Variants in FLT3 observed in about 807,000 individuals in gnomAD.
The protein encoded by FLT3 is fms related receptor tyrosine kinase 3, also known as receptor-type tyrosine-protein kinase FLT3.
In FLT3, 46 loss-of-function variants were observed where a neutral mutation model predicts 126.6. The observed-to-expected ratio is 0.36, with a 90% CI of 0.29 to 0.46. FLT3 has a LOEUF of 0.46. FLT3 is among the 20% of genes least tolerant of loss of function. The pLI is 1.00. For missense variants in FLT3, 1,069 were observed against 1,190.3 expected (o/e 0.90, Z 1.50); for synonymous variants, 404 against 434.4 (o/e 0.93, Z 0.87).
At chr13:28,095,382 TCTCCTGCCTCAGC>T (rs761503273) in intron 1 of FLT3, among the ~76,000 whole-genome samples, 80 of 152,194 alleles carry the variant, frequency 5.3e-4, no homozygotes, top group Non-Finnish European at 1.1e-3. Context: ...TTCAAGTGAT[TCTCCTGCCTCAGC>T]CTCCTGAGTA....
rs1299427050 is a variant in FLT3, at chr13:28,003,286, A to G, written c.*766T>C. The G allele has an allele frequency of 1.3e-5, 3 of 232,814 alleles. No individual in the cohort carries two copies. Among genetic ancestry groups the G allele is most frequent in the Non-Finnish European group, 2.5e-5 (3 of 117,896 alleles). The allele number at this position is 232,814 out of a possible 1,614,324, so 14.4% of individuals were successfully genotyped here. A position where few individuals can be genotyped will look rare whatever the true frequency, so the allele number is the denominator to read the frequency against. On this transcript the variant is annotated 3_prime_UTR_variant, in exon 24 of 24. Transcript: ENST00000241453. ...AAATGAAGGGGACTGTGGGGACAAGAGTAACTTTATTGAAAATACTAATCC... is the reference window on the plus strand; with the variant it reads ...AAATGAAGGGGACTGTGGGGACAAGGGTAACTTTATTGAAAATACTAATCC...
chr13:28,039,794 C>G (rs1700077696), intron 9 of FLT3, among the ~76,000 whole-genome samples: 1 of 152,154 alleles, frequency 6.6e-6, no homozygotes, highest in Admixed American at 6.5e-5. Context: ...GTGATCCTCT[C>G]TCCTTGGCCT....
In FLT3 at chr13:28,003,376, C is replaced by T. The variant is rs1048967868; in HGVS notation, c.*676G>A. ...GCCAAAGTGTCTAGGTGATGTATTACTCTTTATGGTAGAACACCTATTCAT... is the reference window on the plus strand; with the variant it reads ...GCCAAAGTGTCTAGGTGATGTATTATTCTTTATGGTAGAACACCTATTCAT... On this transcript the variant is annotated 3_prime_UTR_variant, in exon 24 of 24. Transcript: ENST00000241453. 1.5e-4 allele frequency: 34 copies of T among 233,248 alleles called. No homozygotes were observed. Among genetic ancestry groups the T allele is most frequent in the African/African-American group, 7.1e-4 (32 of 45,336 alleles). The allele number at this position is 233,248 out of a possible 1,614,324, so 14.4% of individuals were successfully genotyped here.
intron 1 of FLT3, among the ~76,000 whole-genome samples, chr13:28,088,775 G>A (rs980730011): frequency 2.7e-5 from 4 of 149,580 alleles, no homozygotes; most frequent in East Asian, 2.0e-4. Flanking sequence ...TCGTAGAGAC[G>A]GGGTTTCACT....
chr13:28,076,101 A>C (rs1877908747), intron 1 of FLT3, among the ~76,000 whole-genome samples: 1 of 152,118 alleles, frequency 6.6e-6, no homozygotes, highest in African/African-American at 2.4e-5. Flanking sequence ...ATGGCCCTTC[A>C]TAGCAATTTT....
chr13:28,024,775 G>A (rs1872663299), intron 18 of FLT3, 86 bp downstream of exon 18: 1 of 956,890 alleles, frequency 1.0e-6, no homozygotes, highest in Admixed American at 2.3e-5. Flanking sequence ...ATGCTTTTGT[G>A]TTTACACACT....
intron 20 of FLT3, among the ~76,000 whole-genome samples, chr13:28,016,861 G>C (rs1053716329): frequency 4.6e-5 from 7 of 152,274 alleles, no homozygotes; most frequent in African/African-American, 1.2e-4. Flanking sequence ...ATGATTATTT[G>C]TTTCTAGTGG....
intron 1 of FLT3, among the ~76,000 whole-genome samples, chr13:28,081,002 C>A (rs545823263): frequency 1.0e-3 from 152 of 152,276 alleles, no homozygotes; most frequent in African/African-American, 3.5e-3. Context: ...GTTTGTCTAT[C>A]TGGATGCCAA....
chr13:28,019,124 G>A (rs1262265982), intron 19 of FLT3, among the ~76,000 whole-genome samples: 1 of 151,970 alleles, frequency 6.6e-6, no homozygotes, highest in Non-Finnish European at 1.5e-5. Context: ...CGCGCCACCA[G>A]GCCCAGCTAA....
At chr13:28,072,164 TATA>T (rs1291469419) in intron 1 of FLT3, among the ~76,000 whole-genome samples, 2 of 150,598 alleles carry the variant, frequency 1.3e-5, no homozygotes, top group African/African-American at 4.9e-5. Context: ...TGTATTTATA[TATA>T]ATGTGTGTAT....
chr13:28,037,075 A>C (rs1873900674), intron 10 of FLT3, 110 bp downstream of exon 10: 3 of 655,626 alleles, frequency 4.6e-6, no homozygotes, highest in Non-Finnish European at 8.0e-6. Context: ...GCGTACAAAA[A>C]CAGTTTTGTA....
At chr13:28,075,738 G>T (rs1183164651) in intron 1 of FLT3, among the ~76,000 whole-genome samples, 1 of 70,194 alleles carries the variant, frequency 1.4e-5, no homozygotes, top group East Asian at 2.1e-3. Flanking sequence ...AAAAAAAAAT[G>T]GATGCATCAC....
Position 28,028,293 on chromosome 13 carries a change from CA to C in FLT3, c.1943-6del. ...TTTCAGAGCTGTCTGCTTTTTCTGT[CA>C]AAGAAAGGAGCATTAAAAATGTAAA... On this transcript the variant is annotated splice_region_variant and splice_polypyrimidine_tract_variant and intron_variant, in intron 15 of 23. Transcript: ENST00000241453. 6.9e-7 allele frequency: 1 copy of C among 1,448,042 alleles called. No homozygotes were observed. 89.7% of individuals were successfully genotyped at this position (1,448,042 alleles called of 1,614,324 possible).
chr13:28,095,816 C>A lies in FLT3; in HGVS notation c.43+4652G>T, dbSNP rs1879415279. 2.0e-5 allele frequency among the ~76,000 whole-genome samples: 3 copies of A among 152,200 alleles called. No homozygotes were observed. In the South Asian group the frequency reaches 6.2e-4, roughly 32 times the overall value. ...TCATGCAAGGATGAGATGAGAGGAACACAAAGAACCGTGGATATGTTGTTG... is the reference window on the plus strand; with the variant it reads ...TCATGCAAGGATGAGATGAGAGGAAAACAAAGAACCGTGGATATGTTGTTG... On this transcript the variant is annotated intron_variant, in intron 1 of 23. Coordinates refer to ENST00000241453, the MANE Select transcript of FLT3 (RefSeq NM_004119.3).
At chr13:28,090,468 C>T (rs1189047908) in intron 1 of FLT3, among the ~76,000 whole-genome samples, 1 of 152,016 alleles carries the variant, frequency 6.6e-6, no homozygotes, top group Non-Finnish European at 1.5e-5. Context: ...AAAATTGTAC[C>T]TCAATAAACC....
chr13:28,081,512 T>C (rs1878304770), intron 1 of FLT3, among the ~76,000 whole-genome samples: 1 of 152,230 alleles, frequency 6.6e-6, no homozygotes, highest in Admixed American at 6.5e-5. Flanking sequence ...GTAGGTTCTA[T>C]AGAATTTTCT....
At chr13:28,060,619 T>C (rs968753309) in intron 3 of FLT3, among the ~76,000 whole-genome samples, 10 of 152,030 alleles carry the variant, frequency 6.6e-5, no homozygotes, top group Non-Finnish European at 1.5e-4. Flanking sequence ...TTTTTCTTTT[T>C]TTTGAGACGG....
intron 22 of FLT3, among the ~76,000 whole-genome samples, chr13:28,014,887 TCTTTTCTTTTTAAAA>T (rs773551969): frequency 6.6e-6 from 1 of 152,246 alleles, no homozygotes; most frequent in South Asian, 2.1e-4. Context: ...CAAAGAGTTT[TCTTTTCTTTTTAAAA>T]TGGAATCAGA....
intron 23 of FLT3, among the ~76,000 whole-genome samples, chr13:28,005,830 T>C (rs766464791): frequency 1.6e-4 from 25 of 152,244 alleles, no homozygotes; most frequent in Non-Finnish European, 2.1e-4. Context: ...TCTTCTCTTT[T>C]GCTGAGCAAG....
Sources: gnomAD v4.1 joint callset for allele counts (sites outside exome capture counted in the v4.1 genomes callset) on GRCh38, gnomAD v4.1.1 for gene constraint, MANE v1.5 for transcripts, NCBI Gene and HGNC (gene_info 2026-07-23, HGNC 2026-07-21) for gene names.